CNTN1: variants seen among roughly 807,000 people sequenced by gnomAD.
The protein encoded by CNTN1 is contactin-1.
Under a neutral mutation model 126.4 loss-of-function variants are expected in CNTN1, and 38 were observed. The ratio of observed to expected loss-of-function variants is 0.30; its 90% CI spans 0.23 to 0.39. The LOEUF is 0.39. CNTN1 is among the 10% of genes least tolerant of loss of function. The pLI is 1.00. For missense variants in CNTN1, 1,009 were observed against 1,248.4 expected (o/e 0.81, Z 2.89); for synonymous variants, 413 against 422.6 (o/e 0.98, Z 0.28).
intron 1 of CNTN1, among the ~76,000 whole-genome samples, chr12:40,889,592 G>T (rs1475840707): frequency 6.6e-6 from 1 of 152,130 alleles, no homozygotes; most frequent in Non-Finnish European, 1.5e-5. Context: ...ATCAATGGGA[G>T]AGTCAGACAC....
intron 17 of CNTN1, among the ~76,000 whole-genome samples, chr12:40,997,604 A>AT (rs1319559361): frequency 6.6e-6 from 1 of 152,190 alleles, no homozygotes; most frequent in Non-Finnish European, 1.5e-5. Context: ...AAGAGGATAG[A>AT]TTTTTAAGCC....
intron 23 of CNTN1, among the ~76,000 whole-genome samples, chr12:41,042,926 C>A (rs993953811): frequency 1.3e-5 from 2 of 152,230 alleles, no homozygotes; most frequent in African/African-American, 4.8e-5. Context: ...ATAAATGGTG[C>A]TGGGAAAACT....
At chr12:40,885,728 A>T (rs1476490867) in intron 1 of CNTN1, among the ~76,000 whole-genome samples, 2 of 152,044 alleles carry the variant, frequency 1.3e-5, no homozygotes, top group Non-Finnish European at 2.9e-5. Flanking sequence ...TTTCTTCTCT[A>T]ATAAATTTGA....
intron 1 of CNTN1, among the ~76,000 whole-genome samples, chr12:40,808,191 G>T (rs1466131227): frequency 3.3e-5 from 5 of 152,104 alleles, no homozygotes; most frequent in African/African-American, 1.2e-4. Context: ...ATTTTGAGTT[G>T]ACTGTGTTAA....
intron 15 of CNTN1, among the ~76,000 whole-genome samples, chr12:40,975,178 TTATATA>T (rs58939653): frequency 0.13 from 6,080 of 46,376 alleles, 226 homozygotes; most frequent in East Asian, 0.29. Flanking sequence ...GTAAAATGGA[TTATATA>T]TATATATATA....
intron 4 of CNTN1, among the ~76,000 whole-genome samples, chr12:40,921,239 G>A (rs1459031409): frequency 6.6e-6 from 1 of 151,602 alleles, no homozygotes; most frequent in Non-Finnish European, 1.5e-5. Context: ...AAAGTCATTA[G>A]GACTTTTGGG....
At chr12:41,035,767 G>C (rs1566187798) in intron 23 of CNTN1, among the ~76,000 whole-genome samples, 1 of 152,112 alleles carries the variant, frequency 6.6e-6, no homozygotes, top group Non-Finnish European at 1.5e-5. Context: ...TCATGTCAAG[G>C]ACCTGAAAGG....
intron 1 of CNTN1, among the ~76,000 whole-genome samples, chr12:40,819,978 G>A (rs552377653): frequency 6.6e-6 from 1 of 152,208 alleles, no homozygotes; most frequent in African/African-American, 2.4e-5. Context: ...CTCTCCGTGG[G>A]TCATGCCAGC....
chr12:40,711,617 CCA>C (rs1230630812), intron 1 of CNTN1, among the ~76,000 whole-genome samples: 3 of 152,020 alleles, frequency 2.0e-5, no homozygotes, highest in Non-Finnish European at 4.4e-5. Context: ...CAACTAATGA[CCA>C]CAGTCATTTC....
chr12:40,752,632 G>A (rs1046754918), intron 1 of CNTN1, among the ~76,000 whole-genome samples: 6 of 151,978 alleles, frequency 3.9e-5, no homozygotes, highest in East Asian at 1.9e-4. Context: ...CTACGGTATA[G>A]TATATTGTTT....
At chr12:40,726,039 C>T (rs985145644) in intron 1 of CNTN1, among the ~76,000 whole-genome samples, 4 of 151,984 alleles carry the variant, frequency 2.6e-5, no homozygotes, top group African/African-American at 9.7e-5. Context: ...CATCAATACA[C>T]AGGTATGGTA....
chr12:40,912,482 T>C (rs952316858), intron 3 of CNTN1, among the ~76,000 whole-genome samples: 5 of 152,044 alleles, frequency 3.3e-5, no homozygotes, highest in Non-Finnish European at 7.4e-5. Context: ...CTTTCATTCC[T>C]TTGTAATTCA....
chr12:40,852,595 A>C (rs550163435), intron 1 of CNTN1, among the ~76,000 whole-genome samples: 53 of 152,160 alleles, frequency 3.5e-4, no homozygotes, highest in South Asian at 1.5e-3. Context: ...ACTAAAATTA[A>C]TGTCCCAATG....
Position 40,759,774 on chromosome 12 carries a change from A to ATTTTTT in CNTN1, c.-77+67196_-77+67201dup, listed in dbSNP as rs33992864. Among the ~76,000 whole-genome samples the ATTTTTT allele has an allele frequency of 2.4e-4, 32 of 133,576 alleles. 1 individual carries two copies. Among genetic ancestry groups the ATTTTTT allele is most frequent in the African/African-American group, 8.1e-4 (29 of 35,586 alleles). 87.6% of individuals were successfully genotyped at this position (133,576 alleles called of 152,430 possible). A position where few individuals can be genotyped will look rare whatever the true frequency, so the allele number is the denominator to read the frequency against. ...GTGAGCCACCTCACTTGGCCCAGAT[A>ATTTTTT]TTTTTTTTTTTTTTTTTTTCAAAAA... On this transcript the variant is annotated intron_variant, in intron 1 of 23. Coordinates refer to ENST00000551295, the MANE Select transcript of CNTN1 (RefSeq NM_001843.4).
intron 14 of CNTN1, among the ~76,000 whole-genome samples, chr12:40,956,723 A>G (rs950609552): frequency 6.6e-6 from 1 of 152,160 alleles, no homozygotes; most frequent in Non-Finnish European, 1.5e-5. Context: ...CAAGTTGGCT[A>G]CAATAATGCT....
intron 3 of CNTN1, among the ~76,000 whole-genome samples, chr12:40,916,407 A>G (rs2136845632): frequency 6.6e-6 from 1 of 152,190 alleles, no homozygotes; most frequent in South Asian, 2.1e-4. Context: ...ATAGCGTATG[A>G]TTTTTATCAG....
chr12:40,929,515 C>T (rs916508747), intron 6 of CNTN1, among the ~76,000 whole-genome samples: 11 of 151,922 alleles, frequency 7.2e-5, no homozygotes, highest in African/African-American at 2.7e-4. Context: ...GTAACCTCTT[C>T]GAGTTTCACT....
At chr12:40,719,258 T>C (rs1942129415) in intron 1 of CNTN1, among the ~76,000 whole-genome samples, 1 of 152,216 alleles carries the variant, frequency 6.6e-6, no homozygotes, top group Non-Finnish European at 1.5e-5. Context: ...AATAAATCAG[T>C]AATATATGAA....
chr12:40,940,353 C>T (rs1946225340), intron 12 of CNTN1, among the ~76,000 whole-genome samples: 1 of 152,036 alleles, frequency 6.6e-6, no homozygotes, highest in Non-Finnish European at 1.5e-5. Context: ...TAAGCCACAT[C>T]ATAAATGACA....
Sources: allele counts gnomAD v4.1 joint callset (sites outside exome capture counted in the v4.1 genomes callset), GRCh38; gene constraint gnomAD v4.1.1; transcripts MANE v1.5; gene names NCBI Gene and HGNC (gene_info 2026-07-23, HGNC 2026-07-21).